C5orf46: variants seen among roughly 807,000 people sequenced by gnomAD.
C5orf46 encodes the protein uncharacterized protein C5orf46.
Under a neutral mutation model 8.9 loss-of-function variants are expected in C5orf46, and 9 were observed. The ratio of observed to expected loss-of-function variants is 1.01; its 90% CI spans 0.61 to 1.76. C5orf46 has a LOEUF of 1.76. C5orf46 is among the 40% of genes most tolerant of loss of function. The pLI, the probability that C5orf46 is intolerant of heterozygous loss-of-function variation, is 0.00. For missense variants in C5orf46, 98 were observed against 107.8 expected, an observed-to-expected ratio of 0.91 and a Z score of 0.40; for synonymous variants, 47 against 41.4, an observed-to-expected ratio of 1.14 and a Z score of -0.52.
chr5:147,904,089 TAA>T (rs200345436), intron 1 of C5orf46, among the ~76,000 whole-genome samples: 9 of 140,966 alleles, frequency 6.4e-5, no homozygotes, highest in Middle Eastern at 3.6e-3. Context: ...AGAGTCAAGG[TAA>T]AAAAAAAAAA....
intron 1 of C5orf46, among the ~76,000 whole-genome samples, chr5:147,905,891 A>G (rs1003343271): frequency 1.3e-5 from 2 of 152,220 alleles, no homozygotes; most frequent in Non-Finnish European, 2.9e-5. Context: ...CATGACAACA[A>G]TAGCAGGTAG....
chr5:147,890,691 C>T (rs114600591), downstream of C5orf46, among the ~76,000 whole-genome samples: 688 of 152,002 alleles, frequency 4.5e-3, 4 homozygotes, highest in African/African-American at 0.016. Flanking sequence ...GTAATTTAGG[C>T]ACAGGGAAGA....
chr5:147,886,861 T>G (rs1580978249), intron 2 of C5orf46: 1 of 152,106 alleles, frequency 6.6e-6, no homozygotes, highest in Admixed American at 6.6e-5. Context: ...AAAGTGGAAA[T>G]GCAAGGTCCA....
At chr5:147,900,268 C>G (rs1757646683) in intron 2 of C5orf46, among the ~76,000 whole-genome samples, 1 of 152,102 alleles carries the variant, frequency 6.6e-6, no homozygotes, top group African/African-American at 2.4e-5. Flanking sequence ...AAAAAAGCAC[C>G]TGTGAGTTTT....
At chr5:147,901,126 T>TAGGC (rs1271176524) in intron 2 of C5orf46, among the ~76,000 whole-genome samples, 1 of 152,174 alleles carries the variant, frequency 6.6e-6, no homozygotes, top group Non-Finnish European at 1.5e-5. Context: ...CTAGAAAATA[T>TAGGC]AGGCAGGACT....
downstream of C5orf46, among the ~76,000 whole-genome samples, chr5:147,890,597 A>C (rs1757488605): frequency 6.6e-6 from 1 of 152,232 alleles, no homozygotes. Flanking sequence ...TAAAATGATC[A>C]ATGAAGGCTT....
intron 2 of C5orf46, chr5:147,886,917 A>G (rs1283090588): frequency 1.3e-5 from 2 of 152,132 alleles, no homozygotes; most frequent in African/African-American, 4.8e-5. Flanking sequence ...ACACATTTCA[A>G]TGGGGAAGAA....
chr5:147,895,857 T>C (rs1757571510), intron 3 of C5orf46, among the ~76,000 whole-genome samples: 1 of 152,164 alleles, frequency 6.6e-6, no homozygotes, highest in African/African-American at 2.4e-5. Context: ...TTGATTTCAA[T>C]GCCCAAGCCT....
At chr5:147,904,590 C>T (rs76144654) in intron 1 of C5orf46, among the ~76,000 whole-genome samples, 3,140 of 152,136 alleles carry the variant, frequency 0.021, 86 homozygotes, top group East Asian at 0.11. Flanking sequence ...TTTCAAGATG[C>T]AAGAAGCCTG....
chr5:147,896,244 T>C lies in C5orf46; in HGVS notation c.*9+740A>G, dbSNP rs191275505. The stretch of plus-strand genomic sequence containing the variant: ...AGGCTGCTTAAATTCAAATTGTGTC[T>C]TCATCCTTTATCAATATAGCCACAT... On this transcript the variant is annotated intron_variant, in intron 3 of 3. Transcript: ENST00000318315. 3.2e-3 allele frequency among the ~76,000 whole-genome samples: 489 copies of C among 152,296 alleles called. 3 individuals carry two copies. Among genetic ancestry groups the C allele is most frequent in the African/African-American group, 0.011 (448 of 41,554 alleles).
At chr5:147,888,091 A>G (rs892999866), downstream of C5orf46, among the ~76,000 whole-genome samples, 6 of 152,144 alleles carry the variant, frequency 3.9e-5, no homozygotes, top group Non-Finnish European at 8.8e-5. Flanking sequence ...ATGCAACCAT[A>G]TCCACTTGCA....
At chr5:147,894,087 T>C (rs1757544973) in intron 3 of C5orf46, among the ~76,000 whole-genome samples, 1 of 152,288 alleles carries the variant, frequency 6.6e-6, no homozygotes, top group South Asian at 2.1e-4. Flanking sequence ...AGTCTAAGCA[T>C]AAAAGTCTAG....
intron 2 of C5orf46, chr5:147,887,113 A>T (rs1462005762): frequency 2.0e-5 from 3 of 152,190 alleles, no homozygotes; most frequent in Non-Finnish European, 4.4e-5. Flanking sequence ...CATGTCTAAG[A>T]TAGGCAGTAC....
chr5:147,893,050 C>A (rs1009845880), intron 3 of C5orf46, 111 bp from the exon 4 acceptor site: 1 of 152,126 alleles, frequency 6.6e-6, no homozygotes, highest in Non-Finnish European at 1.5e-5. Flanking sequence ...TATGCTTCTG[C>A]ACTTTAAAAT....
At chr5:147,892,396 C>T (rs1757514347), downstream of C5orf46, among the ~76,000 whole-genome samples, 1 of 152,122 alleles carries the variant, frequency 6.6e-6, no homozygotes, top group Admixed American at 6.5e-5. Flanking sequence ...AGTTTACTAG[C>T]ATAGGAGAGT....
intron 2 of C5orf46, chr5:147,886,591 A>G (rs968178082): frequency 6.6e-6 from 1 of 151,324 alleles, no homozygotes; most frequent in East Asian, 1.9e-4. Context: ...CACAAATTAG[A>G]GGAAACCACT....
At chr5:147,902,284 C>T (rs1220262848) in intron 1 of C5orf46, among the ~76,000 whole-genome samples, 1 of 152,028 alleles carries the variant, frequency 6.6e-6, no homozygotes, top group Non-Finnish European at 1.5e-5. Flanking sequence ...AGACTTCCAT[C>T]TCTACAAAAA....
intron 1 of C5orf46, among the ~76,000 whole-genome samples, chr5:147,905,397 C>T (rs927725051): frequency 2.6e-5 from 4 of 152,142 alleles, no homozygotes; most frequent in African/African-American, 9.7e-5. Flanking sequence ...CAGGGTGGTG[C>T]CTGGTCTTGG....
downstream of C5orf46, among the ~76,000 whole-genome samples, chr5:147,888,647 T>C (rs6859774): frequency 0.02 from 3,041 of 152,266 alleles, 78 homozygotes; most frequent in East Asian, 0.11. Flanking sequence ...TTAGGAACCT[T>C]CCTTCACCCA....
Sources: allele counts gnomAD v4.1 joint callset (sites outside exome capture counted in the v4.1 genomes callset), GRCh38; gene constraint gnomAD v4.1.1; transcripts MANE v1.5; gene names NCBI Gene and HGNC (gene_info 2026-07-23, HGNC 2026-07-21).